The following KCND2 variants were observed in gnomAD, a reference collection of about 807,000 sequenced individuals.
The protein encoded by KCND2 is A-type voltage-gated potassium channel KCND2.
Under a neutral mutation model 54.4 loss-of-function variants are expected in KCND2, and 16 were observed. That is an observed-to-expected ratio of 0.29 (90% CI 0.20 to 0.45). The LOEUF (loss-of-function observed/expected upper bound fraction) is 0.45. Among genes scored for constraint, KCND2 ranks in the 20% least tolerant of loss-of-function variants. KCND2 has a pLI of 1.00. For synonymous variants in KCND2, 317 were observed against 310.7 expected (o/e 1.02, Z -0.21); for missense variants, 486 against 824.2 (o/e 0.59, Z 5.02).
chr7:120,583,897 A>G (rs1213482659), intron 1 of KCND2, among the ~76,000 whole-genome samples: 1 of 152,194 alleles, frequency 6.6e-6, no homozygotes, highest in South Asian at 2.1e-4. Context: ...AAAAAAAAGA[A>G]TCACAAAAAT....
intron 1 of KCND2, among the ~76,000 whole-genome samples, chr7:120,313,012 T>A (rs772317299): frequency 6.6e-6 from 1 of 152,158 alleles, no homozygotes; most frequent in Non-Finnish European, 1.5e-5. Flanking sequence ...CCACTGTGAG[T>A]GCTTTTCCAT....
intron 1 of KCND2, among the ~76,000 whole-genome samples, chr7:120,450,271 A>G (rs185230469): frequency 1.4e-4 from 22 of 152,252 alleles, no homozygotes; most frequent in Non-Finnish European, 2.9e-4. Context: ...TTAGCTGGGC[A>G]TGGTGACATA....
At position 120,349,727 on chromosome 7, in the gene KCND2, T is replaced by G. The variant is rs1428174379; in HGVS notation, c.1115+73980T>G. 2.6e-5 allele frequency among the ~76,000 whole-genome samples: 4 copies of G among 152,218 alleles called. No individual in the cohort carries two copies. In the East Asian group the frequency reaches 7.7e-4, roughly 29 times the overall value. ...CCTGTTATAGTCCAGATATCTTTTA[T>G]GTGTCACTGAACAAAATGTAAAAGG... is the stretch of plus-strand genomic sequence containing the variant. On this transcript the variant is annotated intron_variant, in intron 1 of 5. Transcript: ENST00000331113.
At chr7:120,412,245 T>C (rs1801461735) in intron 1 of KCND2, among the ~76,000 whole-genome samples, 1 of 152,080 alleles carries the variant, frequency 6.6e-6, no homozygotes, top group Non-Finnish European at 1.5e-5. Flanking sequence ...TTCAGAGTTA[T>C]TGCATTAATA....
chr7:120,745,517 A>G (rs1373989875), intron 4 of KCND2, among the ~76,000 whole-genome samples: 3 of 151,860 alleles, frequency 2.0e-5, no homozygotes, highest in Admixed American at 2.0e-4. Context: ...TAAATAAATG[A>G]TATTTCAAGA....
chr7:120,554,507 C>T (rs1792138783), intron 1 of KCND2, among the ~76,000 whole-genome samples: 1 of 152,052 alleles, frequency 6.6e-6, no homozygotes, highest in African/African-American at 2.4e-5. Context: ...CTCCCGGGTT[C>T]ATGCCATTCT....
intron 1 of KCND2, among the ~76,000 whole-genome samples, chr7:120,373,984 T>A (rs188426619): frequency 1.3e-5 from 2 of 151,868 alleles, no homozygotes; most frequent in East Asian, 3.9e-4. Flanking sequence ...TCCAGAAATA[T>A]AAGCAATTAA....
intron 1 of KCND2, among the ~76,000 whole-genome samples, chr7:120,540,983 T>C (rs1791973297): frequency 6.6e-6 from 1 of 152,226 alleles, no homozygotes; most frequent in Non-Finnish European, 1.5e-5. Flanking sequence ...AACATTATTA[T>C]ATTATTAAAA....
At chr7:120,705,452 A>G (rs1336338620) in intron 1 of KCND2, among the ~76,000 whole-genome samples, 4 of 152,180 alleles carry the variant, frequency 2.6e-5, no homozygotes, top group Non-Finnish European at 5.9e-5. Context: ...ATCCAGCTTC[A>G]CTTTCCAGTT....
intron 1 of KCND2, among the ~76,000 whole-genome samples, chr7:120,365,964 A>G (rs1800672436): frequency 6.6e-6 from 1 of 152,166 alleles, no homozygotes; most frequent in Admixed American, 6.6e-5. Flanking sequence ...TTTAGTTAAA[A>G]TGTTCAGATT....
intron 1 of KCND2, among the ~76,000 whole-genome samples, chr7:120,580,949 TA>T (rs1792507335): frequency 6.6e-6 from 1 of 152,232 alleles, no homozygotes; most frequent in Admixed American, 6.5e-5. Flanking sequence ...AAAACTGGAC[TA>T]AATTGTTTCT....
At chr7:120,327,202 T>A (rs1799990457) in intron 1 of KCND2, among the ~76,000 whole-genome samples, 1 of 152,068 alleles carries the variant, frequency 6.6e-6, no homozygotes, top group Non-Finnish European at 1.5e-5. Context: ...GAGTGTGAGT[T>A]TGAGTATAGT....
rs1186824542 is a variant in KCND2, at chr7:120,519,272, C to T, written c.1116-213631C>T. Among the ~76,000 whole-genome samples the T allele has an allele frequency of 2.0e-5, 3 of 152,140 alleles. No individual in the cohort carries two copies. In the East Asian group the frequency reaches 5.8e-4, roughly 29 times the overall value. ...AGGAGAATCGCTTGAACCCACGAGA[C>T]TGAGGCTGAGGTTGCAGTGAGCTGA... is the stretch of plus-strand genomic sequence containing the variant. On this transcript the variant is annotated intron_variant, in intron 1 of 5. Transcript: ENST00000331113.
Position 120,460,309 on chromosome 7 carries a change from G to A in KCND2, c.1115+184562G>A, listed in dbSNP as rs555665051. On this transcript the variant is annotated intron_variant, in intron 1 of 5. Transcript: ENST00000331113. ...TCTAAATTATTATCCCCACATTACA[G>A]TTTATAAACTGAAGTTGGGCAAAAA... Among the ~76,000 whole-genome samples the A allele has an allele frequency of 2.2e-3, 331 of 152,236 alleles. 1 individual carries two copies. The highest frequency in any genetic ancestry group is 7.6e-3 in the African/African-American group (315 of 41,546).
At chr7:120,335,823 C>T (rs909870440) in intron 1 of KCND2, among the ~76,000 whole-genome samples, 3 of 152,172 alleles carry the variant, frequency 2.0e-5, no homozygotes, top group Non-Finnish European at 1.5e-5. Flanking sequence ...CTTTTCTTCC[C>T]TGGCAGCAAT....
intron 1 of KCND2, among the ~76,000 whole-genome samples, chr7:120,432,251 A>G (rs1337727616): frequency 2.0e-5 from 3 of 152,200 alleles, no homozygotes; most frequent in East Asian, 3.8e-4. Flanking sequence ...TAGTGTACTA[A>G]TATCTCCGTA....
intron 1 of KCND2, among the ~76,000 whole-genome samples, chr7:120,553,883 T>C (rs1180343419): frequency 6.6e-6 from 1 of 152,244 alleles, no homozygotes; most frequent in Non-Finnish European, 1.5e-5. Flanking sequence ...TACTAGGCAT[T>C]GCTAATGTTC....
chr7:120,414,696 C>T (rs1454083088), intron 1 of KCND2, among the ~76,000 whole-genome samples: 5 of 152,074 alleles, frequency 3.3e-5, no homozygotes, highest in East Asian at 1.9e-4. Flanking sequence ...CTCACCCATA[C>T]GATCATTCTT....
chr7:120,588,349 C>G (rs528715565), intron 1 of KCND2, among the ~76,000 whole-genome samples: 10 of 150,788 alleles, frequency 6.6e-5, no homozygotes, highest in African/African-American at 2.2e-4. Flanking sequence ...GGGCATATAC[C>G]TTGATCATTG....
Sources: allele counts gnomAD v4.1 joint callset (sites outside exome capture counted in the v4.1 genomes callset), GRCh38; gene constraint gnomAD v4.1.1; transcripts MANE v1.5; gene names NCBI Gene and HGNC (gene_info 2026-07-23, HGNC 2026-07-21).